The following CLDN22 variants were observed in gnomAD, a reference collection of about 807,000 sequenced individuals.
The protein encoded by CLDN22 is claudin-22.
For synonymous variants in CLDN22, 86 were observed against 107.9 expected, an observed-to-expected ratio of 0.80 and a Z score of 1.26; for missense variants, 227 against 252.2, an observed-to-expected ratio of 0.90 and a Z score of 0.68.
In CLDN22 at chr4:183,319,210, T is replaced by G. The variant is rs4862156; in HGVS notation, c.*346A>C. On this transcript the variant is annotated 3_prime_UTR_variant, in exon 1 of 1. Coordinates refer to ENST00000323319, the MANE Select transcript of CLDN22 (RefSeq NM_001111319.3). The stretch of plus-strand genomic sequence containing the variant: ...ACTAGGTTATCTTAAACACCTGAAA[T>G]AAGTAAATGATTTGCCAAATGATTC... The G allele has an allele frequency of 0.98, 183,878 of 187,320 alleles. 90,348 individuals carry two copies. Among genetic ancestry groups the G allele is most frequent in the East Asian group, 1 (7,352 of 7,352 alleles). The allele number at this position is 187,320 out of a possible 1,614,324, so 11.6% of individuals were successfully genotyped here. A position where few individuals can be genotyped will look rare whatever the true frequency, so the allele number is the denominator to read the frequency against.
At position 183,319,316 on chromosome 4, in the gene CLDN22, A is replaced by G; in HGVS notation, c.*240T>C. 1 of 447,974 alleles carries G rather than the reference A, an allele frequency of 2.2e-6. No homozygotes were observed. The highest frequency in any genetic ancestry group is 3.9e-6 in the Non-Finnish European group (1 of 256,174). The allele number at this position is 447,974 out of a possible 1,614,324, so 27.7% of individuals were successfully genotyped here. ...ACTTCTGTGCAATCGCTATTTTAAA[A>G]TTGAGAAAACTCATCCACAGTAATG... On this transcript the variant is annotated 3_prime_UTR_variant, in exon 1 of 1. Transcript: ENST00000323319.
rs768174885 is a variant in CLDN22, at chr4:183,319,972, A to G, written c.247T>C (p.Leu83=). The change falls in exon 1 of 1, where the codon TTA becomes CTA. Residue 83 remains leucine (L), a synonymous_variant. Coordinates refer to ENST00000323319, the MANE Select transcript of CLDN22 (RefSeq NM_001111319.3). ...LPAELRVSRI[L]MFLSNGLGFL... ...CCCAGCCCATTTGACAGAAACATTA[A>G]GATCCTGGAGACCCTGAGTTCAGCA... 1.9e-6 allele frequency: 3 copies of G among 1,613,654 alleles called. No individual in the cohort carries two copies. The East Asian group carries it at 6.7e-5, about 36-fold the overall frequency.
In CLDN22 at chr4:183,319,066, AAGG is replaced by A. The variant is rs887817513; in HGVS notation, c.*487_*489del. 6.5e-6 allele frequency: 1 copy of A among 153,784 alleles called. No homozygotes were observed. Among genetic ancestry groups the A allele is most frequent in the Admixed American group, 6.4e-5 (1 of 15,564 alleles). 9.5% of individuals were successfully genotyped at this position (153,784 alleles called of 1,614,324 possible). Reference sequence around the variant, plus strand: ...AGAGACACTGAGGTCTCTGATTCAGAAGGAGATGATGTGTCTACACCTTTCACC... The same window carrying A: ...AGAGACACTGAGGTCTCTGATTCAGAAGATGATGTGTCTACACCTTTCACC... On this transcript the variant is annotated 3_prime_UTR_variant, in exon 1 of 1. Coordinates refer to ENST00000323319, the MANE Select transcript of CLDN22 (RefSeq NM_001111319.3).
rs771360497 is a variant in CLDN22 at position 183,320,263 on chromosome 4, G to T, written c.-45C>A. 14 of 1,541,264 alleles carry T rather than the reference G, an allele frequency of 9.1e-6. No homozygotes were observed. The highest frequency in any genetic ancestry group is 2.3e-5 in the East Asian group (1 of 44,384). On this transcript the variant is annotated 5_prime_UTR_variant, in exon 1 of 1. Coordinates refer to ENST00000323319, the MANE Select transcript of CLDN22 (RefSeq NM_001111319.3). Reference sequence around the variant, plus strand: ...TAGCCAAACTAACTCCTGCCCTTCGGTTGCTGTGAAAAGAAGTGTGACACT... The same window carrying T: ...TAGCCAAACTAACTCCTGCCCTTCGTTTGCTGTGAAAAGAAGTGTGACACT...
At position 183,318,917 on chromosome 4, in the gene CLDN22, G is replaced by A. The variant is rs1242043824; in HGVS notation, c.*639C>T. The A allele has an allele frequency of 6.6e-6, 1 of 152,386 alleles. No individual in the cohort carries two copies. Among genetic ancestry groups the A allele is most frequent in the African/African-American group, 2.4e-5 (1 of 41,450 alleles). 9.4% of individuals were successfully genotyped at this position (152,386 alleles called of 1,614,324 possible). A position where few individuals can be genotyped will look rare whatever the true frequency, so the allele number is the denominator to read the frequency against. ...CGCTGCCCGTGAAATACAGAACACA[G>A]GATGCAGAAGCACGTTTGTGTGGCA... On this transcript the variant is annotated 3_prime_UTR_variant, in exon 1 of 1. Coordinates refer to ENST00000323319, the MANE Select transcript of CLDN22 (RefSeq NM_001111319.3).
At position 183,318,752 on chromosome 4, in the gene CLDN22, A is replaced by G. The variant is rs1739528651; in HGVS notation, c.*804T>C. 6.6e-6 allele frequency: 1 copy of G among 152,236 alleles called. No homozygotes were observed. The highest frequency in any genetic ancestry group is 2.4e-5 in the African/African-American group (1 of 41,454). 9.4% of individuals were successfully genotyped at this position (152,236 alleles called of 1,614,324 possible). A position where few individuals can be genotyped will look rare whatever the true frequency, so the allele number is the denominator to read the frequency against. On this transcript the variant is annotated 3_prime_UTR_variant, in exon 1 of 1. Transcript: ENST00000323319. ...CAAATAAAATGAAGGGCTCCAGAAT[A>G]TGTGCTCTGTGGTCGCTGCGCCTGG...
At position 183,319,290 on chromosome 4, in the gene CLDN22, C is replaced by T; in HGVS notation, c.*266G>A. 1 of 367,414 alleles carries T rather than the reference C, an allele frequency of 2.7e-6. No homozygotes were observed. Among genetic ancestry groups the T allele is most frequent in the Non-Finnish European group, 4.9e-6 (1 of 206,108 alleles). The allele number at this position is 367,414 out of a possible 1,614,324, so 22.8% of individuals were successfully genotyped here. Reference sequence around the variant, plus strand: ...ACATAGAGATTAATGTTTTATTTACCACTTCTGTGCAATCGCTATTTTAAA... The same window carrying T: ...ACATAGAGATTAATGTTTTATTTACTACTTCTGTGCAATCGCTATTTTAAA... On this transcript the variant is annotated 3_prime_UTR_variant, in exon 1 of 1. Coordinates refer to ENST00000323319, the MANE Select transcript of CLDN22 (RefSeq NM_001111319.3).
At position 183,320,244 on chromosome 4, in the gene CLDN22, A is replaced by G. The variant is rs1480252427; in HGVS notation, c.-26T>C. On this transcript the variant is annotated 5_prime_UTR_variant, in exon 1 of 1. Coordinates refer to ENST00000323319, the MANE Select transcript of CLDN22 (RefSeq NM_001111319.3). ...TATAATGTCCTGAGAGCTTTAGCCAAACTAACTCCTGCCCTTCGGTTGCTG... is the reference window on the plus strand; with the variant it reads ...TATAATGTCCTGAGAGCTTTAGCCAGACTAACTCCTGCCCTTCGGTTGCTG... 6 of 1,586,170 alleles carry G rather than the reference A, an allele frequency of 3.8e-6. No homozygotes were observed. The highest frequency in any genetic ancestry group is 5.1e-6 in the Non-Finnish European group (6 of 1,165,618).
chr4:183,319,599 T>C lies in CLDN22; in HGVS notation c.620A>G (p.His207Arg). ...GTTTCTCGTCTCCAGTTCTTGATGA[T>C]GATCTTGTGTTTGTGCCACTGCGTA... Reference protein sequence around the residue: ...GHYAVAQTQDHHQELETRNTN... With the variant: ...GHYAVAQTQDRHQELETRNTN... Residue 207 changes from histidine (H) to arginine (R), a missense_variant, in exon 1 of 1, where the codon CAT (histidine) becomes CGT (arginine). Physicochemically the swap from His to Arg is conservative, Grantham distance 29. Coordinates refer to ENST00000323319, the MANE Select transcript of CLDN22 (RefSeq NM_001111319.3). The C allele has an allele frequency of 2.5e-6, 4 of 1,613,660 alleles. No homozygotes were observed.
chr4:183,319,708 A>T lies in CLDN22; in HGVS notation c.511T>A (p.Phe171Ile), dbSNP rs753670207. The T allele has an allele frequency of 1.1e-5, 18 of 1,613,988 alleles. No homozygotes were observed. Among genetic ancestry groups the T allele is most frequent in the Non-Finnish European group, 1.5e-5 (18 of 1,180,042 alleles). ...CCTAGCAGAAGAGAAAGTCCAGCAA[A>T]CCAGCCCAGAAACAGGGCCTCCCCA... ...EFGEALFLGWFAGLSLLLGGC... is the reference protein window; with the variant it reads ...EFGEALFLGWIAGLSLLLGGC... Residue 171 changes from phenylalanine (F) to isoleucine (I), a missense_variant, in exon 1 of 1, where the codon TTT (phenylalanine) becomes ATT (isoleucine). By Grantham distance (21) the Phe-to-Ile change is conservative. Transcript: ENST00000323319.
At position 183,320,165 on chromosome 4, in the gene CLDN22, C is replaced by A; in HGVS notation, c.54G>T (p.Leu18Phe). 6.8e-6 allele frequency: 11 copies of A among 1,614,138 alleles called. No individual in the cohort carries two copies. The highest frequency in any genetic ancestry group is 9.3e-6 in the Non-Finnish European group (11 of 1,180,012). The change falls in exon 1 of 1, where the codon TTG (leucine) becomes TTT (phenylalanine). Residue 18 changes from leucine (L) to phenylalanine (F), a missense_variant. Leu to Phe is a conservative substitution (Grantham distance 22). Transcript: ENST00000323319. ...TAAGACAGGATAAAACCCATCCCAG[C>A]AAAGATAATGAAACTCCAGCTAGTT... ...VAQLAGVSLS[L>F]LGWVLSCLTN...
rs200146429 is a variant in CLDN22 at position 183,320,128 on chromosome 4, G to T, written c.91C>A (p.Pro31Thr). 1.5e-4 allele frequency: 238 copies of T among 1,614,106 alleles called. 2 individuals are homozygous for T. In the African/African-American group the frequency reaches 2.8e-3, roughly 19 times the overall value. Residue 31 changes from proline to threonine, a missense_variant, in exon 1 of 1, where the codon CCA becomes ACA. Physicochemically the swap from Pro to Thr is conservative, Grantham distance 38. Transcript: ENST00000323319. Reference protein sequence around the residue: ...WVLSCLTNYLPHWKNLNLDLN... With the variant: ...WVLSCLTNYLTHWKNLNLDLN... ...TCCAGGTTGAGGTTCTTCCAGTGTG[G>T]CAGGTAGTTTGTAAGACAGGATAAA...
At position 183,319,622 on chromosome 4, in the gene CLDN22, G is replaced by A. The variant is rs200710817; in HGVS notation, c.597C>T (p.Tyr199=). 1.7e-5 allele frequency: 28 copies of A among 1,614,004 alleles called. No homozygotes were observed. The highest frequency in any genetic ancestry group is 5.5e-5 in the South Asian group (5 of 91,080). Residue 199 remains tyrosine, a synonymous_variant, in exon 1 of 1, where the codon TAC becomes TAT. Coordinates refer to ENST00000323319, the MANE Select transcript of CLDN22 (RefSeq NM_001111319.3). ...GATGATCTTGTGTTTGTGCCACTGC[G>A]TAGTGGCCCGAAGCTAGGGGAGCGT... ...SSHAPLASGH[Y]AVAQTQDHHQ... is the part of the protein sequence containing the mutation.
Position 183,320,022 on chromosome 4 carries a change from T to A in CLDN22, c.197A>T (p.Asp66Val), listed in dbSNP as rs762097930. The change falls in exon 1 of 1, where the codon GAC (aspartate) becomes GTC (valine). Residue 66 changes from aspartate (D) to valine (V), a missense_variant. Asp to Val is a radical substitution (Grantham distance 152). Coordinates refer to ENST00000323319, the MANE Select transcript of CLDN22 (RefSeq NM_001111319.3). ...AGGCAAAGCCAGGAAGGAGTCAAAGTCCTTGCATTGCATCCCCACTTCCTC... is the reference window on the plus strand; with the variant it reads ...AGGCAAAGCCAGGAAGGAGTCAAAGACCTTGCATTGCATCCCCACTTCCTC... ...IQEEVGMQCK[D>V]FDSFLALPAE... 1 of 1,613,998 alleles carries A rather than the reference T, an allele frequency of 6.2e-7. No homozygotes were observed. Among genetic ancestry groups the A allele is most frequent in the Non-Finnish European group, 8.5e-7 (1 of 1,179,918 alleles).
At position 183,319,859 on chromosome 4, in the gene CLDN22, G is replaced by A. The variant is rs779869975; in HGVS notation, c.360C>T (p.Ile120=). The change falls in exon 1 of 1, where the codon ATC becomes ATT. Residue 120 remains isoleucine, a synonymous_variant. Coordinates refer to ENST00000323319, the MANE Select transcript of CLDN22 (RefSeq NM_001111319.3). ...SQRDLKRRLL[I]LGGILSWASG... ...AGGCCCAGGACAGAATTCCTCCCAG[G>A]ATCAGCAGTCGCCTCTTGAGATCTC... The A allele has an allele frequency of 7.8e-5, 126 of 1,613,614 alleles. 3 individuals carry two copies. The highest frequency in any genetic ancestry group is 3.2e-4 in the African/African-American group (24 of 74,966).
In CLDN22 at chr4:183,319,407, G is replaced by C; in HGVS notation, c.*149C>G. ...ACTAGAAGATAAAAATGGTTTACCA[G>C]TCTTGGAAAGAAACTATAGTTTAAT... On this transcript the variant is annotated 3_prime_UTR_variant, in exon 1 of 1. Transcript: ENST00000323319. The C allele has an allele frequency of 1.1e-6, 1 of 878,512 alleles. No homozygotes were observed. Among genetic ancestry groups the C allele is most frequent in the Admixed American group, 2.5e-5 (1 of 40,646 alleles). The allele number at this position is 878,512 out of a possible 1,614,324, so 54.4% of individuals were successfully genotyped here.
At position 183,319,959 on chromosome 4, in the gene CLDN22, G is replaced by C; in HGVS notation, c.260C>G (p.Ser87Ter). The C allele has an allele frequency of 6.2e-7, 1 of 1,613,480 alleles. No homozygotes were observed. The highest frequency in any genetic ancestry group is 8.5e-7 in the Non-Finnish European group (1 of 1,179,626). ...CAGGCCCAGAAATCCCAGCCCATTT[G>C]ACAGAAACATTAAGATCCTGGAGAC... The part of the protein sequence containing the change: ...LRVSRILMFL[S>*]NGLGFLGLLV... The change falls in exon 1 of 1, where the codon TCA (serine) becomes TGA (stop). Residue 87 changes from serine (S) to a stop codon, truncating the protein, a stop_gained. Transcript: ENST00000323319. LOFTEE classifies it low-confidence loss of function (END_TRUNC).
In CLDN22 at chr4:183,319,744, T is replaced by C; in HGVS notation, c.475A>G (p.Arg159Gly). The part of the protein sequence containing the change: ...WDENVPDFVP[R>G]WEFGEALFLG... The stretch of plus-strand genomic sequence containing the variant: ...AACAGGGCCTCCCCAAACTCCCACC[T>C]GGGGACAAAGTCTGGGACGTTCTCA... The change falls in exon 1 of 1, where the codon AGG (arginine) becomes GGG (glycine). Residue 159 changes from arginine to glycine, a missense_variant. Physicochemically the swap from Arg to Gly is moderately radical, Grantham distance 125 (BLOSUM62 -2). Coordinates refer to ENST00000323319, the MANE Select transcript of CLDN22 (RefSeq NM_001111319.3). 6.2e-7 allele frequency: 1 copy of C among 1,613,910 alleles called. No individual in the cohort carries two copies. The highest frequency in any genetic ancestry group is 1.3e-5 in the African/African-American group (1 of 75,006).
Position 183,320,161 on chromosome 4 carries a change from C to T in CLDN22, c.58G>A (p.Gly20Arg), listed in dbSNP as rs542948383. The T allele has an allele frequency of 1.7e-5, 27 of 1,613,968 alleles. No homozygotes were observed. Among genetic ancestry groups the T allele is most frequent in the Non-Finnish European group, 2.1e-5 (25 of 1,180,024 alleles). The change falls in exon 1 of 1, where the codon GGA becomes AGA. Residue 20 changes from glycine (G) to arginine (R), a missense_variant. Physicochemically the swap from Gly to Arg is moderately radical, Grantham distance 125. Coordinates refer to ENST00000323319, the MANE Select transcript of CLDN22 (RefSeq NM_001111319.3). ...TTTGTAAGACAGGATAAAACCCATC[C>T]CAGCAAAGATAATGAAACTCCAGCT... ...QLAGVSLSLL[G>R]WVLSCLTNYL...
Sources: gnomAD v4.1 joint callset for allele counts on GRCh38, gnomAD v4.1.1 for gene constraint, MANE v1.5 for transcripts, NCBI Gene and HGNC (gene_info 2026-07-23, HGNC 2026-07-21) for gene names.